The following SMIM13 variants were observed in gnomAD, a reference collection of about 807,000 sequenced individuals.
The protein encoded by SMIM13 is small integral membrane protein 13, also known as UPF0766 protein C6orf228.
Under a neutral mutation model 5.9 loss-of-function variants are expected in SMIM13, and 3 were observed. That is an observed-to-expected ratio of 0.51 (90% CI 0.23 to 1.31). The LOEUF is 1.31. Among genes scored for constraint, SMIM13 ranks in the 40% most tolerant of loss-of-function variants. SMIM13 has a pLI of 0.18. For missense variants in SMIM13, 85 were observed against 109.9 expected, an observed-to-expected ratio of 0.77 and a Z score of 1.01; for synonymous variants, 55 against 46.0, an observed-to-expected ratio of 1.19 and a Z score of -0.79.
At chr6:11,121,167 G>A (rs1391879450) in intron 1 of SMIM13, among the ~76,000 whole-genome samples, 1 of 152,168 alleles carries the variant, frequency 6.6e-6, no homozygotes, top group African/African-American at 2.4e-5. Context: ...TTCCTTTTAA[G>A]CTGAAAAACT....
At position 11,099,560 on chromosome 6, in the gene SMIM13, C is replaced by T. The variant is rs570041607; in HGVS notation, c.76+5171C>T. Reference sequence around the variant, plus strand: ...GGCAGGCATTTTGTTTTCTTCACTACTATATCCCTGACACCTACAGAAGTG... The same window carrying T: ...GGCAGGCATTTTGTTTTCTTCACTATTATATCCCTGACACCTACAGAAGTG... On this transcript the variant is annotated intron_variant, in intron 1 of 1. Coordinates refer to ENST00000416247, the MANE Select transcript of SMIM13 (RefSeq NM_001135575.2). 4.6e-5 allele frequency among the ~76,000 whole-genome samples: 7 copies of T among 152,356 alleles called. No homozygotes were observed. In the South Asian group the frequency reaches 1.4e-3, roughly 32 times the overall value.
intron 1 of SMIM13, among the ~76,000 whole-genome samples, chr6:11,117,653 T>C (rs1581917486): frequency 6.6e-6 from 1 of 152,192 alleles, no homozygotes; most frequent in African/African-American, 2.4e-5. Flanking sequence ...CTAATTTGAC[T>C]TTTTTATGGT....
Position 11,094,407 on chromosome 6 carries a change from C to T in SMIM13, c.76+18C>T, listed in dbSNP as rs752594300. The T allele has an allele frequency of 1.2e-5, 19 of 1,530,670 alleles. No individual in the cohort carries two copies. In the Admixed American group the frequency reaches 2.2e-4, roughly 17 times the overall value. The allele number at this position is 1,530,670 out of a possible 1,614,324, so 94.8% of individuals were successfully genotyped here. A position where few individuals can be genotyped will look rare whatever the true frequency, so the allele number is the denominator to read the frequency against. ...GGTGTGCGGTGAGTGGGGGCGGTAGCCGCGAGGCAGTTCCACACGCCGGGT... is the reference window on the plus strand; with the variant it reads ...GGTGTGCGGTGAGTGGGGGCGGTAGTCGCGAGGCAGTTCCACACGCCGGGT... On this transcript the variant is annotated intron_variant, in intron 1 of 1. Coordinates refer to ENST00000416247, the MANE Select transcript of SMIM13 (RefSeq NM_001135575.2).
chr6:11,130,242 A>T (rs1441056562), intron 1 of SMIM13, among the ~76,000 whole-genome samples: 3 of 132,746 alleles, frequency 2.3e-5, no homozygotes, highest in South Asian at 2.7e-4. Flanking sequence ...CTATCATTAC[A>T]GTAGTCATTG....
Position 11,135,592 on chromosome 6 carries a change from A to G in SMIM13, c.*990A>G, listed in dbSNP as rs1314881551. 1 of 152,618 alleles carries G rather than the reference A, an allele frequency of 6.6e-6. No individual in the cohort carries two copies. Among genetic ancestry groups the G allele is most frequent in the Non-Finnish European group, 1.5e-5 (1 of 68,022 alleles). The allele number at this position is 152,618 out of a possible 1,614,324, so 9.5% of individuals were successfully genotyped here. On this transcript the variant is annotated 3_prime_UTR_variant, in exon 2 of 2. Transcript: ENST00000416247. ...TTTCAAGAAGTGCTGCATAACCAGTACTCTTGACAACACCGGGAGAGACGT... is the reference window on the plus strand; with the variant it reads ...TTTCAAGAAGTGCTGCATAACCAGTGCTCTTGACAACACCGGGAGAGACGT...
chr6:11,130,253 T>TAAAAAAA (rs35012412), intron 1 of SMIM13, among the ~76,000 whole-genome samples: 1 of 140,098 alleles, frequency 7.1e-6, no homozygotes. Flanking sequence ...GTAGTCATTG[T>TAAAAAAA]AAAAAAAAAA....
chr6:11,105,078 C>T, intron 1 of SMIM13: 2 of 1,614,144 alleles, frequency 1.2e-6, no homozygotes, highest in Non-Finnish European at 1.7e-6. Context: ...ATTAGGGTCC[C>T]ATCGATAGGA....
intron 1 of SMIM13, chr6:11,104,177 G>A (rs1758045224): frequency 6.4e-7 from 1 of 1,551,732 alleles, no homozygotes; most frequent in African/African-American, 1.4e-5. Flanking sequence ...TATAGGTGAG[G>A]GAAGCTTTTG....
chr6:11,107,300 C>T (rs1433558523), intron 1 of SMIM13, among the ~76,000 whole-genome samples: 1 of 152,182 alleles, frequency 6.6e-6, no homozygotes, highest in Non-Finnish European at 1.5e-5. Flanking sequence ...AACAACAAGA[C>T]TTGGTACTTT....
intron 1 of SMIM13, chr6:11,104,355 A>G (rs1373326164): frequency 6.4e-6 from 10 of 1,551,608 alleles, no homozygotes; most frequent in African/African-American, 5.5e-5. Flanking sequence ...TACATAGCCT[A>G]TGGTACAAGT....
intron 1 of SMIM13, among the ~76,000 whole-genome samples, chr6:11,112,487 A>G (rs1189234001): frequency 2.0e-5 from 3 of 152,128 alleles, no homozygotes; most frequent in Non-Finnish European, 4.4e-5. Flanking sequence ...TCCTGACCTC[A>G]AGTGATCTGC....
chr6:11,112,699 G>A (rs1387894772), intron 1 of SMIM13, among the ~76,000 whole-genome samples: 1 of 152,122 alleles, frequency 6.6e-6, no homozygotes, highest in East Asian at 1.9e-4. Flanking sequence ...CTTTTGTATT[G>A]CTGAAAGAGT....
intron 1 of SMIM13, among the ~76,000 whole-genome samples, chr6:11,127,449 G>A (rs577769766): frequency 1.3e-4 from 20 of 152,310 alleles, no homozygotes; most frequent in African/African-American, 4.8e-4. Flanking sequence ...TTCACTCAAG[G>A]TTCAGTGTAT....
At chr6:11,115,138 T>G (rs1465845249) in intron 1 of SMIM13, among the ~76,000 whole-genome samples, 1 of 152,234 alleles carries the variant, frequency 6.6e-6, no homozygotes, top group African/African-American at 2.4e-5. Context: ...CCTTATTACA[T>G]GAGTTGGGTA....
intron 1 of SMIM13, among the ~76,000 whole-genome samples, chr6:11,097,753 C>T (rs1454260710): frequency 6.6e-6 from 1 of 152,010 alleles, no homozygotes; most frequent in African/African-American, 2.4e-5. Context: ...GGATGGCACA[C>T]GATTCACTCT....
At chr6:11,095,033 G>A (rs1720372120) in intron 1 of SMIM13, among the ~76,000 whole-genome samples, 1 of 152,148 alleles carries the variant, frequency 6.6e-6, no homozygotes, top group African/African-American at 2.4e-5. Context: ...TTCAAATAAT[G>A]GTAGCCCAAT....
At chr6:11,103,570 T>C in intron 1 of SMIM13, 1 of 1,397,498 alleles carries the variant, frequency 7.2e-7, no homozygotes, top group Non-Finnish European at 9.4e-7. Context: ...CTTGGCCTCT[T>C]GCTAGCTGTC....
At chr6:11,133,511 C>T (rs992832282) in intron 1 of SMIM13, among the ~76,000 whole-genome samples, 2 of 152,114 alleles carry the variant, frequency 1.3e-5, no homozygotes, top group African/African-American at 4.8e-5. Context: ...TGTTTCATTT[C>T]TATTCTATGC....
At chr6:11,117,303 A>T (rs1404936770) in intron 1 of SMIM13, among the ~76,000 whole-genome samples, 18 of 141,156 alleles carry the variant, frequency 1.3e-4, no homozygotes, top group African/African-American at 4.7e-4. Flanking sequence ...AGCTGGGACT[A>T]CAGGCGCCCG....
Sources: allele counts gnomAD v4.1 joint callset (sites outside exome capture counted in the v4.1 genomes callset), GRCh38; gene constraint gnomAD v4.1.1; transcripts MANE v1.5; gene names NCBI Gene and HGNC (gene_info 2026-07-23, HGNC 2026-07-21).